ZNF483: variants seen among roughly 807,000 people sequenced by gnomAD.
ZNF483 encodes zinc finger protein HIT-10.
In ZNF483, 9 loss-of-function variants were observed where a neutral mutation model predicts 28.6. The observed-to-expected ratio is 0.32, with a 90% CI of 0.19 to 0.55. ZNF483 has a LOEUF of 0.55. Among genes scored for constraint, ZNF483 ranks in the 20% least tolerant of loss-of-function variants. The pLI is 0.93. For missense variants in ZNF483, 675 were observed against 871.7 expected, an observed-to-expected ratio of 0.77 and a Z score of 2.84; for synonymous variants, 322 against 306.2, an observed-to-expected ratio of 1.05 and a Z score of -0.54.
At chr9:111,536,979 A>C (rs548295298) in intron 5 of ZNF483, among the ~76,000 whole-genome samples, 18 of 152,298 alleles carry the variant, frequency 1.2e-4, no homozygotes, top group African/African-American at 4.1e-4. Context: ...TGCAGACCTC[A>C]GTCTATGGTA....
rs62569887 is a variant in ZNF483 at position 111,553,967 on chromosome 9, C to T, written c.*10797C>T. Among the ~76,000 whole-genome samples the T allele has an allele frequency of 8.5e-5, 13 of 152,310 alleles. No homozygotes were observed. The highest frequency in any genetic ancestry group is 2.2e-4 in the African/African-American group (9 of 41,566). On this transcript the variant is annotated 3_prime_UTR_variant, in exon 6 of 6. Transcript: ENST00000309235. Reference sequence around the variant, plus strand: ...GCTGTGTGGAGCACATAACTTCCAACGTCCCAGAGGCAGGGAAAGGAAGAA... The same window carrying T: ...GCTGTGTGGAGCACATAACTTCCAATGTCCCAGAGGCAGGGAAAGGAAGAA...
chr9:111,572,283 A>G (rs111470644), intron 5 of ZNF483, among the ~76,000 whole-genome samples: 34 of 152,280 alleles, frequency 2.2e-4, no homozygotes, highest in African/African-American at 7.7e-4. Flanking sequence ...AGGGATTGGA[A>G]CTCTCATTTC....
Position 111,544,399 on chromosome 9 carries a change from T to G in ZNF483, c.*1229T>G. 1 of 975,604 alleles carries G rather than the reference T, an allele frequency of 1.0e-6. No individual in the cohort carries two copies. The highest frequency in any genetic ancestry group is 1.1e-4 in the East Asian group (1 of 8,776). 60.4% of individuals were successfully genotyped at this position (975,604 alleles called of 1,614,324 possible). ...ATACATTGTTGCCACTATCTAAAATTAGGGCATTTCATACTAAAAACAAAG... is the reference window on the plus strand; with the variant it reads ...ATACATTGTTGCCACTATCTAAAATGAGGGCATTTCATACTAAAAACAAAG... On this transcript the variant is annotated 3_prime_UTR_variant, in exon 6 of 6. Coordinates refer to ENST00000309235, the MANE Select transcript of ZNF483 (RefSeq NM_133464.5).
chr9:111,567,798 A>G (rs1315757059), intron 5 of ZNF483, among the ~76,000 whole-genome samples: 1 of 152,210 alleles, frequency 6.6e-6, no homozygotes, highest in Non-Finnish European at 1.5e-5. Flanking sequence ...GGTAGAGTCC[A>G]CTACTGTTGC....
At chr9:111,561,110 T>TATATATATAG (rs1457364862) in intron 5 of ZNF483, among the ~76,000 whole-genome samples, 11 of 19,192 alleles carry the variant, frequency 5.7e-4, no homozygotes, top group East Asian at 1.0e-3. Context: ...TATATATATA[T>TATATATATAG]AGAGAGAGAG....
rs918597550 is a variant in ZNF483 at position 111,551,097 on chromosome 9, T to A, written c.*7927T>A. On this transcript the variant is annotated 3_prime_UTR_variant, in exon 6 of 6. Coordinates refer to ENST00000309235, the MANE Select transcript of ZNF483 (RefSeq NM_133464.5). The stretch of plus-strand genomic sequence containing the variant: ...ATTTCAAATTTTCTAGTAGCCACTT[T>A]TAGAAAATAAAACAGGTAAAATTAA... Among the ~76,000 whole-genome samples, 7 of 152,260 alleles carry A rather than the reference T, an allele frequency of 4.6e-5. No individual in the cohort carries two copies. The highest frequency in any genetic ancestry group is 1.7e-4 in the African/African-American group (7 of 41,474).
At chr9:111,525,634 C>T (rs920368155) in intron 1 of ZNF483, among the ~76,000 whole-genome samples, 1 of 152,120 alleles carries the variant, frequency 6.6e-6, no homozygotes, top group African/African-American at 2.4e-5. Context: ...CAGACATTGC[C>T]AGAGGACCGC....
At position 111,530,947 on chromosome 9, in the gene ZNF483, C is replaced by A; in HGVS notation, c.485C>A (p.Pro162His). Reference sequence around the variant, plus strand: ...GAGGATAAAATGGTCACTGTTTGTCCCAATACTGAGTCCTGTGTAAGTTTC... The same window carrying A: ...GAGGATAAAATGGTCACTGTTTGTCACAATACTGAGTCCTGTGTAAGTTTC... ...SKEDKMVTVC[P>H]NTESCESITL... Residue 162 changes from proline to histidine, a missense_variant, in exon 3 of 6, where the codon CCC becomes CAC. Transcript: ENST00000309235. 6.5e-7 allele frequency: 1 copy of A among 1,533,500 alleles called. No individual in the cohort carries two copies. The highest frequency in any genetic ancestry group is 1.2e-5 in the South Asian group (1 of 83,088). 95.0% of individuals were successfully genotyped at this position (1,533,500 alleles called of 1,614,324 possible). A position where few individuals can be genotyped will look rare whatever the true frequency, so the allele number is the denominator to read the frequency against.
chr9:111,539,402 ACC>A, intron 5 of ZNF483: 1 of 456,050 alleles, frequency 2.2e-6, no homozygotes, highest in Non-Finnish European at 4.4e-6. Flanking sequence ...TAACCTTTCT[ACC>A]CTTTGGTTTA....
chr9:111,540,797 C>T (rs140509948), intron 5 of ZNF483, among the ~76,000 whole-genome samples: 49 of 152,236 alleles, frequency 3.2e-4, no homozygotes, highest in Middle Eastern at 3.4e-3. Context: ...ATCAAGAGCA[C>T]GGGCTTTGGT....
intron 4 of ZNF483, among the ~76,000 whole-genome samples, 157 bp from the exon 5 acceptor site, chr9:111,534,104 A>G (rs780742503): frequency 1.3e-5 from 2 of 152,168 alleles, no homozygotes; most frequent in Non-Finnish European, 2.9e-5. Context: ...TCAGTGGAAT[A>G]CCTTTTCCCA....
chr9:111,533,659 A>G, intron 3 of ZNF483, 80 bp from the exon 4 acceptor site: 1 of 1,415,356 alleles, frequency 7.1e-7, no homozygotes, highest in South Asian at 1.6e-5. Flanking sequence ...ACAGAGCCAT[A>G]ATAGCCTGTC....
downstream of ZNF483, among the ~76,000 whole-genome samples, chr9:111,558,741 T>C (rs1350240380): frequency 6.6e-6 from 1 of 152,208 alleles, no homozygotes. Context: ...TATGTACATA[T>C]GATATATACA....
At position 111,550,916 on chromosome 9, in the gene ZNF483, C is replaced by A. The variant is rs571095439; in HGVS notation, c.*7746C>A. On this transcript the variant is annotated 3_prime_UTR_variant, in exon 6 of 6. Coordinates refer to ENST00000309235, the MANE Select transcript of ZNF483 (RefSeq NM_133464.5). The stretch of plus-strand genomic sequence containing the variant: ...ATCCCTGTTTCCTTTGAGTTGTTTT[C>A]ACCTGTTTTCTGTCTCTCACACTGG... Among the ~76,000 whole-genome samples, 17 of 152,242 alleles carry A rather than the reference C, an allele frequency of 1.1e-4. No individual in the cohort carries two copies. The South Asian group carries it at 3.1e-3, about 28-fold the overall frequency.
At position 111,525,238 on chromosome 9, in the gene ZNF483, G is replaced by T. The variant is rs1827156328; in HGVS notation, c.-153G>T. 1 of 152,264 alleles carries T rather than the reference G, an allele frequency of 6.6e-6. No individual in the cohort carries two copies. The highest frequency in any genetic ancestry group is 1.5e-5 in the Non-Finnish European group (1 of 68,064). 9.4% of individuals were successfully genotyped at this position (152,264 alleles called of 1,614,324 possible). ...CTGGAAGCTCTTTGCGGTGGCGTTG[G>T]TGCTGTTTGCGGATGCTGATGCAGG... On this transcript the variant is annotated 5_prime_UTR_variant, in exon 1 of 6. Coordinates refer to ENST00000309235, the MANE Select transcript of ZNF483 (RefSeq NM_133464.5).
At chr9:111,563,392 A>G in intron 5 of ZNF483, 1 of 633,418 alleles carries the variant, frequency 1.6e-6, no homozygotes, top group Non-Finnish European at 2.6e-6. Flanking sequence ...GTGGGGCAAG[A>G]TCCACTTACA....
At chr9:111,575,343 T>G (rs1392658808) in intron 5 of ZNF483, 1 of 152,670 alleles carries the variant, frequency 6.6e-6, no homozygotes, top group Non-Finnish European at 1.5e-5. Context: ...TTTCATTTGA[T>G]TCTAAGACCA....
In ZNF483 at chr9:111,544,029, G is replaced by T. The variant is rs1827742884; in HGVS notation, c.*859G>T. On this transcript the variant is annotated 3_prime_UTR_variant, in exon 6 of 6. Coordinates refer to ENST00000309235, the MANE Select transcript of ZNF483 (RefSeq NM_133464.5). ...AGGAATGGGTCAGTGAAGTTCAAAC[G>T]ACTTTTCCTTGAGGGAGTATTTTAA... 1.0e-6 allele frequency: 1 copy of T among 985,332 alleles called. No homozygotes were observed. The highest frequency in any genetic ancestry group is 1.7e-5 in the African/African-American group (1 of 57,316). 61.0% of individuals were successfully genotyped at this position (985,332 alleles called of 1,614,324 possible).
chr9:111,530,545 C>T lies in ZNF483; in HGVS notation c.413-330C>T, dbSNP rs117103925. 5.2e-4 allele frequency among the ~76,000 whole-genome samples: 79 copies of T among 151,472 alleles called. 1 individual carries two copies. The East Asian group carries it at 0.013, about 26-fold the overall frequency. The stretch of plus-strand genomic sequence containing the variant: ...GTGGAGGTCAGTCTTGGACTGAGGC[C>T]TTAACCTTTGGGAACTGATGCTATC... On this transcript the variant is annotated intron_variant, in intron 2 of 5. Transcript: ENST00000309235.
Sources: gnomAD v4.1 joint callset for allele counts (sites outside exome capture counted in the v4.1 genomes callset) on GRCh38, gnomAD v4.1.1 for gene constraint, MANE v1.5 for transcripts, NCBI Gene and HGNC (gene_info 2026-07-23, HGNC 2026-07-21) for gene names.